TMEM178B: variants seen among roughly 807,000 people sequenced by gnomAD.
TMEM178B encodes the protein transmembrane protein 178B.
Under a neutral mutation model 31.0 loss-of-function variants are expected in TMEM178B, and 5 were observed. The observed-to-expected ratio is 0.16, with a 90% CI of 0.08 to 0.34. The LOEUF (loss-of-function observed/expected upper bound fraction) is 0.34, where lower values mean the gene tolerates loss of function less well. Among genes scored for constraint, TMEM178B ranks in the 10% least tolerant of loss-of-function variants. The pLI is 1.00. For missense variants in TMEM178B, 275 were observed against 400.3 expected, an observed-to-expected ratio of 0.69 and a Z score of 2.67; for synonymous variants, 164 against 164.0, an observed-to-expected ratio of 1.00 and a Z score of 0.00.
chr7:141,288,406 G>A (rs999919196), intron 2 of TMEM178B, among the ~76,000 whole-genome samples: 2 of 150,378 alleles, frequency 1.3e-5, no homozygotes, highest in African/African-American at 4.9e-5. Context: ...CTCATCTGTT[G>A]CAGCTTCAGT....
intron 2 of TMEM178B, among the ~76,000 whole-genome samples, chr7:141,321,467 G>A (rs577140619): frequency 6.6e-6 from 1 of 152,282 alleles, no homozygotes; most frequent in African/African-American, 2.4e-5. Context: ...ACTTCTCAAG[G>A]AAGCCACAGC....
intron 2 of TMEM178B, chr7:141,415,981 G>A (rs534352000): frequency 2.0e-5 from 3 of 152,752 alleles, no homozygotes; most frequent in Non-Finnish European, 4.4e-5. Context: ...AATATTATAA[G>A]CTTATATAAA....
rs997274565 is a variant in TMEM178B at position 141,123,844 on chromosome 7, C to T, written c.382+49152C>T. 2.0e-5 allele frequency among the ~76,000 whole-genome samples: 3 copies of T among 152,260 alleles called. No homozygotes were observed. In the East Asian group the frequency reaches 5.8e-4, roughly 29 times the overall value. ...CTAGGCTCACTGCAGCCTTGACCTCCTGGGCTCAAGTGATCCATCCACCTC... is the reference window on the plus strand; with the variant it reads ...CTAGGCTCACTGCAGCCTTGACCTCTTGGGCTCAAGTGATCCATCCACCTC... On this transcript the variant is annotated intron_variant, in intron 1 of 3. Coordinates refer to ENST00000565468, the MANE Select transcript of TMEM178B (RefSeq NM_001195278.2).
intron 2 of TMEM178B, among the ~76,000 whole-genome samples, chr7:141,283,382 C>T (rs1236186598): frequency 6.6e-6 from 1 of 152,136 alleles, no homozygotes; most frequent in Admixed American, 6.6e-5. Context: ...GGGAAGCAGA[C>T]GGTGAATTTC....
intron 2 of TMEM178B, among the ~76,000 whole-genome samples, chr7:141,387,674 C>T (rs1448812388): frequency 2.6e-5 from 4 of 152,162 alleles, no homozygotes; most frequent in Non-Finnish European, 4.4e-5. Flanking sequence ...CTCGTATCTG[C>T]GCACCCCCGT....
intron 2 of TMEM178B, among the ~76,000 whole-genome samples, chr7:141,288,236 G>A (rs920714449): frequency 2.0e-5 from 3 of 151,516 alleles, no homozygotes; most frequent in African/African-American, 4.9e-5. Context: ...TGATTGTCGC[G>A]CTGAAACTTG....
rs1165115604 is a variant in TMEM178B, at chr7:141,452,270, T to C, written c.634+14525T>C. On this transcript the variant is annotated intron_variant, in intron 3 of 3. Transcript: ENST00000565468. Reference sequence around the variant, plus strand: ...ACCTTTCTGGAACCTCAAACATACTTTGACCCGGATTTGTCCTTTCTCTAT... The same window carrying C: ...ACCTTTCTGGAACCTCAAACATACTCTGACCCGGATTTGTCCTTTCTCTAT... Among the ~76,000 whole-genome samples, 6 of 152,208 alleles carry C rather than the reference T, an allele frequency of 3.9e-5. No homozygotes were observed. In the South Asian group the frequency reaches 1.2e-3, roughly 32 times the overall value.
At position 141,107,970 on chromosome 7, in the gene TMEM178B, T is replaced by A. The variant is rs138849326; in HGVS notation, c.382+33278T>A. On this transcript the variant is annotated intron_variant, in intron 1 of 3. Transcript: ENST00000565468. ...AGTTTGTGGTGTTCTGGAGGTCAAG[T>A]GAAGAAAGTGTTTCCAGGAGGAGGA... Among the ~76,000 whole-genome samples the A allele has an allele frequency of 1.3e-3, 191 of 152,252 alleles. 1 individual carries two copies. Among genetic ancestry groups the A allele is most frequent in the African/African-American group, 4.2e-3 (174 of 41,544 alleles).
At chr7:141,177,100 TCC>T (rs1054116448) in intron 1 of TMEM178B, among the ~76,000 whole-genome samples, 5 of 152,226 alleles carry the variant, frequency 3.3e-5, no homozygotes, top group African/African-American at 1.2e-4. Flanking sequence ...GCTATAAAAT[TCC>T]CTCTACACAC....
chr7:141,484,805 G>A (rs1423562960), downstream of TMEM178B, among the ~76,000 whole-genome samples: 7 of 151,900 alleles, frequency 4.6e-5, no homozygotes, highest in African/African-American at 7.3e-5. This position sits in a 1 kb window ranked among gnomAD's most constrained non-coding sequence, Gnocchi z 4.8. Flanking sequence ...CAGGTGATCC[G>A]CCCGCCTCGG....
At chr7:141,230,702 T>C (rs918798125) in intron 2 of TMEM178B, among the ~76,000 whole-genome samples, 15 of 152,248 alleles carry the variant, frequency 9.9e-5, no homozygotes, top group African/African-American at 3.6e-4. Flanking sequence ...AGTAGTGCAG[T>C]CATGGCTCAC....
At chr7:141,300,879 T>C (rs1166157050) in intron 2 of TMEM178B, among the ~76,000 whole-genome samples, 1 of 152,168 alleles carries the variant, frequency 6.6e-6, no homozygotes, top group Non-Finnish European at 1.5e-5. Context: ...TTAATTTTAT[T>C]TTCTTTCCAA....
rs1426858904 is a variant in TMEM178B at position 141,358,192 on chromosome 7, C to T, written c.497-79416C>T. 2.0e-5 allele frequency among the ~76,000 whole-genome samples: 3 copies of T among 152,118 alleles called. No individual in the cohort carries two copies. The South Asian group carries it at 6.2e-4, about 32-fold the overall frequency. On this transcript the variant is annotated intron_variant, in intron 2 of 3. Coordinates refer to ENST00000565468, the MANE Select transcript of TMEM178B (RefSeq NM_001195278.2). ...CCCTAGCAGCACACTGGCCTGGTAT[C>T]CTCAGGAAACATCCTTTCTTAACAG...
intron 2 of TMEM178B, among the ~76,000 whole-genome samples, chr7:141,256,843 A>G (rs4726437): frequency 0.43 from 66,036 of 151,942 alleles, 14,590 homozygotes; most frequent in East Asian, 0.67. Context: ...TGGATGTAGG[A>G]TGTGAGAGAA....
chr7:141,366,345 A>G (rs1266657805), intron 2 of TMEM178B, among the ~76,000 whole-genome samples: 1 of 152,132 alleles, frequency 6.6e-6, no homozygotes, highest in Admixed American at 6.5e-5. Flanking sequence ...TTTCCCTCCC[A>G]AAGAAAATAA....
chr7:141,491,030 C>CT, the TMEM178B span, among the ~76,000 whole-genome samples: 1,893 of 151,924 alleles, frequency 0.012, 38 homozygotes, highest in African/African-American at 0.043. Flanking sequence ...TTATTTTTTA[C>CT]TTTTTTATTT....
At chr7:141,348,742 T>C (rs1799660386) in intron 2 of TMEM178B, among the ~76,000 whole-genome samples, 2 of 152,188 alleles carry the variant, frequency 1.3e-5, no homozygotes, top group Non-Finnish European at 2.9e-5. Context: ...TTGTAATTAA[T>C]GTGTATTACC....
chr7:141,431,338 T>A (rs1801425810), intron 2 of TMEM178B: 1 of 152,178 alleles, frequency 6.6e-6, no homozygotes, highest in African/African-American at 2.4e-5. Context: ...GCAATACCTA[T>A]CCATTTAAAT....
At chr7:141,358,060 G>A (rs146811229) in intron 2 of TMEM178B, among the ~76,000 whole-genome samples, 192 of 152,264 alleles carry the variant, frequency 1.3e-3, no homozygotes, top group Middle Eastern at 3.4e-3. Context: ...ATTGAGCATA[G>A]CATTTAAGAA....
Sources: gnomAD v4.1 joint callset for allele counts (sites outside exome capture counted in the v4.1 genomes callset) on GRCh38, gnomAD v4.1.1 for gene constraint, Gnocchi (gnomAD v3.1) non-coding constraint, MANE v1.5 for transcripts, NCBI Gene and HGNC (gene_info 2026-07-23, HGNC 2026-07-21) for gene names.